The following SUSD6 variants were observed in gnomAD, a reference collection of about 807,000 sequenced individuals.
SUSD6 encodes sushi domain containing 6.
SUSD6 carries 16 observed loss-of-function variants against 28.4 expected under a neutral mutation model. That is an observed-to-expected ratio of 0.56 (90% CI 0.38 to 0.86). SUSD6 has a LOEUF of 0.86. Ranked by LOEUF, SUSD6 falls within the 40% of genes least tolerant of loss-of-function variation. The pLI is 0.00. For synonymous variants in SUSD6, 147 were observed against 159.6 expected, an observed-to-expected ratio of 0.92 and a Z score of 0.59; for missense variants, 341 against 384.2, an observed-to-expected ratio of 0.89 and a Z score of 0.94.
intron 2 of SUSD6, among the ~76,000 whole-genome samples, chr14:69,660,631 A>G (rs953345899): frequency 3.9e-5 from 6 of 152,244 alleles, no homozygotes; most frequent in African/African-American, 1.4e-4. Context: ...GTGTCTTTAG[A>G]GCAGAAGTTG....
intron 2 of SUSD6, among the ~76,000 whole-genome samples, chr14:69,687,206 T>G (rs1886086144): frequency 2.0e-5 from 3 of 152,140 alleles, no homozygotes; most frequent in Non-Finnish European, 4.4e-5. Flanking sequence ...AACTCCTGAC[T>G]TCAGGTAATC....
At chr14:69,705,819 G>A (rs1180008113) in intron 4 of SUSD6, among the ~76,000 whole-genome samples, 6 of 152,244 alleles carry the variant, frequency 3.9e-5, no homozygotes, top group Non-Finnish European at 7.3e-5. Flanking sequence ...TAGGGGCGAG[G>A]AGCATGAAGG....
intron 1 of SUSD6, among the ~76,000 whole-genome samples, chr14:69,646,594 T>A (rs1357843408): frequency 6.6e-6 from 1 of 152,128 alleles, no homozygotes. Flanking sequence ...ATTCATTATG[T>A]TCCCTGACCA....
intron 2 of SUSD6, among the ~76,000 whole-genome samples, chr14:69,692,348 A>G (rs1447794165): frequency 6.6e-6 from 1 of 152,186 alleles, no homozygotes; most frequent in Non-Finnish European, 1.5e-5. Flanking sequence ...GTCTTGGGGT[A>G]AATTTTTTTC....
intron 2 of SUSD6, among the ~76,000 whole-genome samples, chr14:69,665,247 C>CT (rs766040350): frequency 1.3e-5 from 2 of 151,700 alleles, no homozygotes; most frequent in African/African-American, 2.4e-5. Flanking sequence ...GTGACTATAA[C>CT]TTTTTTTTTC....
intron 2 of SUSD6, among the ~76,000 whole-genome samples, chr14:69,684,754 C>G (rs1201382232): frequency 6.6e-6 from 1 of 152,256 alleles, no homozygotes; most frequent in East Asian, 1.9e-4. Context: ...CGAGGCTCCA[C>G]TGTTAGCCTT....
intron 2 of SUSD6, among the ~76,000 whole-genome samples, chr14:69,696,930 G>A (rs1025272301): frequency 3.3e-5 from 5 of 152,228 alleles, no homozygotes; most frequent in African/African-American, 9.6e-5. Flanking sequence ...ATAAAAGAAT[G>A]GCTGCTGTAT....
intron 2 of SUSD6, among the ~76,000 whole-genome samples, chr14:69,700,914 G>T (rs540357784): frequency 6.6e-6 from 1 of 152,142 alleles, no homozygotes; most frequent in South Asian, 2.1e-4. Flanking sequence ...TTTTGTAAAA[G>T]TATTTTAGAT....
At chr14:69,697,848 C>T (rs568645188) in intron 2 of SUSD6, among the ~76,000 whole-genome samples, 22 of 152,316 alleles carry the variant, frequency 1.4e-4, no homozygotes, top group Non-Finnish European at 2.9e-4. Flanking sequence ...TTAACACTTA[C>T]TTCATTGGTT....
At chr14:69,708,604 A>G (rs1463685468) in intron 4 of SUSD6, 73 bp from the exon 5 acceptor site, 18 of 1,241,362 alleles carry the variant, frequency 1.5e-5, no homozygotes, top group Non-Finnish European at 1.9e-5. Context: ...GGCGGCTGCT[A>G]TTATTATTAT....
intron 1 of SUSD6, among the ~76,000 whole-genome samples, chr14:69,636,498 C>T (rs2139599969): frequency 6.6e-6 from 1 of 152,376 alleles, no homozygotes; most frequent in East Asian, 1.9e-4. Flanking sequence ...TCAGACTCGC[C>T]TCCTCTTTCT....
rs114552580 is a variant in SUSD6, at chr14:69,620,511, C to T, written c.-81+8683C>T. Reference sequence around the variant, plus strand: ...TTGCTGGCATGGAGTTAGCATACTGCGGGAATACTCACGAGGTTTTTAATT... The same window carrying T: ...TTGCTGGCATGGAGTTAGCATACTGTGGGAATACTCACGAGGTTTTTAATT... On this transcript the variant is annotated intron_variant, in intron 1 of 5. Coordinates refer to ENST00000342745, the MANE Select transcript of SUSD6 (RefSeq NM_014734.4). Among the ~76,000 whole-genome samples, 269 of 152,274 alleles carry T rather than the reference C, an allele frequency of 1.8e-3. 1 individual carries two copies. The highest frequency in any genetic ancestry group is 5.9e-3 in the African/African-American group (246 of 41,550).
intron 2 of SUSD6, among the ~76,000 whole-genome samples, chr14:69,689,328 G>A (rs1886120476): frequency 6.6e-6 from 1 of 152,148 alleles, no homozygotes; most frequent in Non-Finnish European, 1.5e-5. Flanking sequence ...ACCTGCCACA[G>A]TGCTTTTGGT....
At chr14:69,653,569 C>T (rs955321815) in intron 1 of SUSD6, among the ~76,000 whole-genome samples, 2 of 152,000 alleles carry the variant, frequency 1.3e-5, no homozygotes, top group African/African-American at 2.4e-5. Context: ...TGAGGATGGC[C>T]GAGTGCTAGT....
chr14:69,675,666 CACTT>C (rs755825574), intron 2 of SUSD6, among the ~76,000 whole-genome samples: 6 of 152,170 alleles, frequency 3.9e-5, no homozygotes, highest in African/African-American at 7.2e-5. Flanking sequence ...GATGTACAAA[CACTT>C]GCTTGTATAT....
At chr14:69,639,421 G>A (rs896850674) in intron 1 of SUSD6, among the ~76,000 whole-genome samples, 12 of 152,046 alleles carry the variant, frequency 7.9e-5, no homozygotes, top group African/African-American at 2.7e-4. Flanking sequence ...TTTTACTGAG[G>A]GGGAAATGGG....
chr14:69,659,233 T>G (rs1368482108), intron 2 of SUSD6, among the ~76,000 whole-genome samples: 1 of 152,200 alleles, frequency 6.6e-6, no homozygotes, highest in East Asian at 1.9e-4. Flanking sequence ...TTTCTGCGCT[T>G]TTTCTCAGAA....
At chr14:69,659,257 G>T (rs1885628370) in intron 2 of SUSD6, among the ~76,000 whole-genome samples, 1 of 152,192 alleles carries the variant, frequency 6.6e-6, no homozygotes, top group African/African-American at 2.4e-5. Context: ...GTGGGTAGTT[G>T]AAGTATTGTA....
Position 69,711,812 on chromosome 14 carries a change from A to T in SUSD6, c.*833A>T, listed in dbSNP as rs1359182984. 1.3e-5 allele frequency: 2 copies of T among 152,410 alleles called. No individual in the cohort carries two copies. Among genetic ancestry groups the T allele is most frequent in the East Asian group, 1.9e-4 (1 of 5,178 alleles). The allele number at this position is 152,410 out of a possible 1,614,324, so 9.4% of individuals were successfully genotyped here. ...CAAGTTCTCACTTCCTACTTCCAGC[A>T]TCGGCCTTCCTGGCCTTGTCTTTTT... On this transcript the variant is annotated 3_prime_UTR_variant, in exon 6 of 6. Transcript: ENST00000342745.
Sources: gnomAD v4.1 joint callset for allele counts (sites outside exome capture counted in the v4.1 genomes callset) on GRCh38, gnomAD v4.1.1 for gene constraint, MANE v1.5 for transcripts, NCBI Gene and HGNC (gene_info 2026-07-23, HGNC 2026-07-21) for gene names.